The following TMX4 variants were observed in gnomAD, a reference collection of about 807,000 sequenced individuals.
The protein encoded by TMX4 is thioredoxin-related transmembrane protein 4.
In TMX4, 23 loss-of-function variants were observed where a neutral mutation model predicts 33.3. The ratio of observed to expected loss-of-function variants is 0.69; its 90% CI spans 0.50 to 0.98. The LOEUF is 0.98. Among genes scored for constraint, TMX4 ranks in the 50% least tolerant of loss-of-function variants. The probability of loss-of-function intolerance (pLI) is 0.00; values close to 1 mark genes in which losing one functional copy is unlikely to be tolerated. For synonymous variants in TMX4, 164 were observed against 161.5 expected (o/e 1.02, Z -0.12); for missense variants, 399 against 448.9 (o/e 0.89, Z 1.01).
chr20:8,011,170 C>G (rs571189766), intron 1 of TMX4, among the ~76,000 whole-genome samples: 1 of 152,086 alleles, frequency 6.6e-6, no homozygotes, highest in South Asian at 2.1e-4. Flanking sequence ...AATGCCAATT[C>G]CCTCCAATTT....
chr20:7,994,942 T>C (rs2050669476), intron 5 of TMX4, among the ~76,000 whole-genome samples: 1 of 152,204 alleles, frequency 6.6e-6, no homozygotes, highest in Non-Finnish European at 1.5e-5. Flanking sequence ...ATATTAGTTA[T>C]TGTTTATTGT....
intron 6 of TMX4, among the ~76,000 whole-genome samples, chr20:7,985,599 T>C (rs1032951960): frequency 1.3e-5 from 2 of 152,122 alleles, no homozygotes; most frequent in African/African-American, 4.8e-5. Flanking sequence ...AACACAGATA[T>C]GTGTTTGTTA....
At chr20:7,987,958 C>T (rs1568533962) in intron 5 of TMX4, among the ~76,000 whole-genome samples, 1 of 152,016 alleles carries the variant, frequency 6.6e-6, no homozygotes, top group Non-Finnish European at 1.5e-5. Flanking sequence ...AATGAGATTC[C>T]AGCAGTCTTT....
In TMX4 at chr20:7,981,374, T is replaced by C. The variant is rs1568532169; in HGVS notation, c.*877A>G. On this transcript the variant is annotated 3_prime_UTR_variant, in exon 8 of 8. Coordinates refer to ENST00000246024, the MANE Select transcript of TMX4 (RefSeq NM_021156.4). ...AGAGGACTTCTGGCTTGAAAAATAT[T>C]GCTTAGAAAACTTAAAAAAAAATCA... 1 of 152,200 alleles carries C rather than the reference T, an allele frequency of 6.6e-6. No homozygotes were observed. The highest frequency in any genetic ancestry group is 1.5e-5 in the Non-Finnish European group (1 of 68,036). The allele number at this position is 152,200 out of a possible 1,614,324, so 9.4% of individuals were successfully genotyped here. A position where few individuals can be genotyped will look rare whatever the true frequency, so the allele number is the denominator to read the frequency against.
chr20:8,006,652 T>C (rs2050731776), intron 2 of TMX4, among the ~76,000 whole-genome samples: 1 of 152,138 alleles, frequency 6.6e-6, no homozygotes, highest in Non-Finnish European at 1.5e-5. Flanking sequence ...TAGTATCACA[T>C]TAAGACAATC....
Position 8,019,574 on chromosome 20 carries a change from G to A in TMX4, c.40C>T (p.Leu14=). 2 of 1,402,526 alleles carry A rather than the reference G, an allele frequency of 1.4e-6. No individual in the cohort carries two copies. The highest frequency in any genetic ancestry group is 1.9e-6 in the Non-Finnish European group (2 of 1,080,540). The allele number at this position is 1,402,526 out of a possible 1,614,324, so 86.9% of individuals were successfully genotyped here. The change falls in exon 1 of 8, where the codon CTG becomes TTG. Residue 14 remains leucine (L), a synonymous_variant. Coordinates refer to ENST00000246024, the MANE Select transcript of TMX4 (RefSeq NM_021156.4). ...GCCACAGCCGCGATCCAGGCGGCCA[G>A]GAGCGCCGTTAGCTGCGGGCCGCAG... ...GRCGPQLTAL[L]AAWIAAVAAT... is the part of the protein sequence containing the mutation.
chr20:8,004,870 G>T (rs1261023635), intron 2 of TMX4, among the ~76,000 whole-genome samples: 1 of 152,092 alleles, frequency 6.6e-6, no homozygotes, highest in African/African-American at 2.4e-5. Flanking sequence ...TTCTTCACAG[G>T]GTTGTTATGA....
In TMX4 at chr20:7,982,328, G is replaced by C. The variant is rs771082974; in HGVS notation, c.973C>G (p.Pro325Ala). 3 of 1,614,118 alleles carry C rather than the reference G, an allele frequency of 1.9e-6. No homozygotes were observed. The Admixed American group carries it at 5.0e-5, about 27-fold the overall frequency. ...EEAEEGISEQ[P>A]CPADTEVVED... is the part of the protein sequence containing the mutation. ...ACCACCTCTGTGTCAGCTGGGCAGG[G>C]TTGCTCAGAGATGCCTTCTTCAGCC... Residue 325 changes from proline to alanine, a missense_variant, in exon 8 of 8, where the codon CCC becomes GCC. Transcript: ENST00000246024.
chr20:8,019,202 C>A (rs2050798961), intron 1 of TMX4: 1 of 525,856 alleles, frequency 1.9e-6, no homozygotes, highest in African/African-American at 2.1e-5. Flanking sequence ...CGCGAGCGGC[C>A]GGGCCCCACA....
chr20:8,001,569 T>C (rs541323139), intron 2 of TMX4, 28 bp from the exon 3 acceptor site: 2 of 1,585,592 alleles, frequency 1.3e-6, no homozygotes, highest in African/African-American at 1.3e-5. Flanking sequence ...AGAACAAAAG[T>C]TACACTTAAG....
intron 5 of TMX4, among the ~76,000 whole-genome samples, chr20:7,994,591 G>A (rs2050668192): frequency 6.6e-6 from 1 of 152,136 alleles, no homozygotes; most frequent in Non-Finnish European, 1.5e-5. Context: ...AGTCAATGAA[G>A]GCCATAATCA....
chr20:7,993,645 A>G (rs1012071903), intron 5 of TMX4, among the ~76,000 whole-genome samples: 2 of 152,168 alleles, frequency 1.3e-5, no homozygotes, highest in Non-Finnish European at 2.9e-5. Context: ...ACAGGTGGCA[A>G]GAGACCTACC....
Position 8,019,729 on chromosome 20 carries a change from G to A in TMX4, c.-116C>T. ...AAGCGGGAGACGCAAGGGCCACCCC[G>A]CCTACGCCTAGCGGCGCAGACTGGC... On this transcript the variant is annotated 5_prime_UTR_variant, in exon 1 of 8. Transcript: ENST00000246024. 2 of 901,458 alleles carry A rather than the reference G, an allele frequency of 2.2e-6. No homozygotes were observed. The highest frequency in any genetic ancestry group is 3.0e-6 in the Non-Finnish European group (2 of 677,054). The allele number at this position is 901,458 out of a possible 1,614,324, so 55.8% of individuals were successfully genotyped here.
intron 2 of TMX4, among the ~76,000 whole-genome samples, chr20:8,007,749 A>T (rs1343689755): frequency 6.6e-6 from 1 of 152,172 alleles, no homozygotes; most frequent in Non-Finnish European, 1.5e-5. Context: ...TTACTTCCTC[A>T]ATTTATCAAG....
chr20:8,010,335 A>G lies in TMX4; in HGVS notation c.177-20T>C. 1 of 1,515,300 alleles carries G rather than the reference A, an allele frequency of 6.6e-7. No individual in the cohort carries two copies. The highest frequency in any genetic ancestry group is 1.7e-4 in the Middle Eastern group (1 of 5,804). 93.9% of individuals were successfully genotyped at this position (1,515,300 alleles called of 1,614,324 possible). A position where few individuals can be genotyped will look rare whatever the true frequency, so the allele number is the denominator to read the frequency against. ...GCGTAACTATAAGAGAAGAATAAGA[A>G]TTATATTGATAAATATACAGAAGAA... On this transcript the variant is annotated intron_variant, in intron 1 of 7. Transcript: ENST00000246024.
intron 2 of TMX4, among the ~76,000 whole-genome samples, chr20:8,003,299 A>T (rs905081189): frequency 9.2e-5 from 14 of 152,260 alleles, no homozygotes; most frequent in Non-Finnish European, 1.9e-4. Flanking sequence ...ATGTTTTTTT[A>T]AAATGGAATG....
intron 5 of TMX4, among the ~76,000 whole-genome samples, chr20:7,992,663 A>C (rs1341881027): frequency 6.6e-6 from 1 of 152,152 alleles, no homozygotes; most frequent in Admixed American, 6.5e-5. Context: ...CGGCCATGTG[A>C]GTGTCTCATC....
rs201361008 is a variant in TMX4, at chr20:7,981,125, T to C, written c.*1126A>G. On this transcript the variant is annotated 3_prime_UTR_variant, in exon 8 of 8. Transcript: ENST00000246024. ...TTGAGTATTGAGAGATTTACAAAGA[T>C]ATAATTCTTTGGAAGATTACAGAAG... is the stretch of plus-strand genomic sequence containing the variant. The C allele has an allele frequency of 1.1e-4, 16 of 152,292 alleles. No individual in the cohort carries two copies. In the East Asian group the frequency reaches 3.1e-3, roughly 29 times the overall value. 9.4% of individuals were successfully genotyped at this position (152,292 alleles called of 1,614,324 possible).
intron 4 of TMX4, among the ~76,000 whole-genome samples, chr20:7,998,597 C>T (rs2050687585): frequency 6.6e-6 from 1 of 152,164 alleles, no homozygotes; most frequent in African/African-American, 2.4e-5. Flanking sequence ...GACCTGGCTT[C>T]AGCCTGCCCC....
Sources: allele counts gnomAD v4.1 joint callset (sites outside exome capture counted in the v4.1 genomes callset), GRCh38; gene constraint gnomAD v4.1.1; transcripts MANE v1.5; gene names NCBI Gene and HGNC (gene_info 2026-07-23, HGNC 2026-07-21).